AXDND1: variants seen among roughly 807,000 people sequenced by gnomAD.
The protein encoded by AXDND1 is axonemal dynein light chain domain containing 1, also known as axonemal dynein light chain domain-containing protein 1.
Under a neutral mutation model 137.5 loss-of-function variants are expected in AXDND1, and 110 were observed. The ratio of observed to expected loss-of-function variants is 0.80; its 90% CI spans 0.69 to 0.94. The LOEUF is 0.94. AXDND1 is among the 40% of genes least tolerant of loss of function. AXDND1 has a pLI of 0.00. For synonymous variants in AXDND1, 414 were observed against 399.7 expected, an observed-to-expected ratio of 1.04 and a Z score of -0.43; for missense variants, 1,191 against 1,169.8, an observed-to-expected ratio of 1.02 and a Z score of -0.26.
At position 179,445,209 on chromosome 1, in the gene AXDND1, G is replaced by A. The variant is rs757875785; in HGVS notation, c.1798+5G>A. Reference sequence around the variant, plus strand: ...TAAGAATAAATGGGGACAATGGTAAGAAAATACTCATAATAATTAGATTTC... The same window carrying A: ...TAAGAATAAATGGGGACAATGGTAAAAAAATACTCATAATAATTAGATTTC... On this transcript the variant is annotated splice_donor_5th_base_variant and intron_variant, in intron 16 of 25. Coordinates refer to ENST00000367618, the MANE Select transcript of AXDND1 (RefSeq NM_144696.6). 6.8e-6 allele frequency: 10 copies of A among 1,470,452 alleles called. No homozygotes were observed. The highest frequency in any genetic ancestry group is 9.3e-6 in the Non-Finnish European group (10 of 1,079,884). The allele number at this position is 1,470,452 out of a possible 1,614,324, so 91.1% of individuals were successfully genotyped here. A position where few individuals can be genotyped will look rare whatever the true frequency, so the allele number is the denominator to read the frequency against.
intron 11 of AXDND1, among the ~76,000 whole-genome samples, chr1:179,403,740 A>C (rs1652484008): frequency 6.6e-6 from 1 of 152,036 alleles, no homozygotes. Flanking sequence ...CACCCGGCTA[A>C]TTTTTGTATT....
chr1:179,423,688 C>T (rs184987504), intron 12 of AXDND1, among the ~76,000 whole-genome samples: 2 of 148,630 alleles, frequency 1.3e-5, no homozygotes, highest in Non-Finnish European at 3.0e-5. Flanking sequence ...TCTTAGATTA[C>T]AAAAAAAGAA....
At chr1:179,470,762 C>T in intron 17 of AXDND1, among the ~76,000 whole-genome samples, 1 of 152,028 alleles carries the variant, frequency 6.6e-6, no homozygotes, top group East Asian at 1.9e-4. Context: ...CCTTTGATTT[C>T]CTTCTCTTGC....
At chr1:179,443,788 T>A (rs1336356899) in intron 15 of AXDND1, among the ~76,000 whole-genome samples, 1 of 152,186 alleles carries the variant, frequency 6.6e-6, no homozygotes, top group Non-Finnish European at 1.5e-5. Flanking sequence ...CACATTTTGT[T>A]TATACATTAA....
intron 21 of AXDND1, among the ~76,000 whole-genome samples, chr1:179,514,523 A>G (rs891800453): frequency 5.9e-5 from 9 of 152,104 alleles, no homozygotes; most frequent in African/African-American, 2.2e-4. Context: ...GCACTGTTGA[A>G]TAGAATGTGT....
Position 179,385,326 on chromosome 1 carries a change from G to C in AXDND1, c.830G>C (p.Cys277Ser). 1 of 1,614,020 alleles carries C rather than the reference G, an allele frequency of 6.2e-7. No homozygotes were observed. The highest frequency in any genetic ancestry group is 8.5e-7 in the Non-Finnish European group (1 of 1,179,932). ...HELIRQVSVD[C>S]ADRGELLSKV... Reference sequence around the variant, plus strand: ...CTTATTCGACAAGTCAGTGTGGACTGTGCAGACAGAGGAGAACTTCTGTCT... The same window carrying C: ...CTTATTCGACAAGTCAGTGTGGACTCTGCAGACAGAGGAGAACTTCTGTCT... Residue 277 changes from cysteine (C) to serine (S), a missense_variant, in exon 9 of 26, where the codon TGT becomes TCT. Coordinates refer to ENST00000367618, the MANE Select transcript of AXDND1 (RefSeq NM_144696.6).
At chr1:179,536,995 A>G (rs1327612867) in intron 25 of AXDND1, among the ~76,000 whole-genome samples, 1 of 152,184 alleles carries the variant, frequency 6.6e-6, no homozygotes, top group African/African-American at 2.4e-5. Context: ...GAGTTCATTC[A>G]TGATTTGGCT....
intron 18 of AXDND1, among the ~76,000 whole-genome samples, chr1:179,489,741 C>CTTTTTTTT (rs140787885): frequency 2.0e-5 from 2 of 101,292 alleles, no homozygotes; most frequent in African/African-American, 3.8e-5. Flanking sequence ...TACTACTTTT[C>CTTTTTTTT]TTTTTTTTTT....
chr1:179,501,508 G>A (rs999416619), intron 20 of AXDND1, among the ~76,000 whole-genome samples: 2 of 152,036 alleles, frequency 1.3e-5, no homozygotes, highest in South Asian at 2.1e-4. Context: ...TCAGGAGATC[G>A]AGACCATCCT....
At chr1:179,458,517 T>A (rs1285749820) in intron 16 of AXDND1, among the ~76,000 whole-genome samples, 2 of 152,062 alleles carry the variant, frequency 1.3e-5, no homozygotes, top group Admixed American at 6.6e-5. Flanking sequence ...AAATAATAAT[T>A]ATTATTATAG....
At chr1:179,495,645 A>G (rs921917822) in intron 20 of AXDND1, among the ~76,000 whole-genome samples, 1 of 151,910 alleles carries the variant, frequency 6.6e-6, no homozygotes, top group Non-Finnish European at 1.5e-5. Flanking sequence ...TGTTATCTGC[A>G]GATAGGGACA....
chr1:179,553,807 A>G (rs6425575), intron 25 of AXDND1, among the ~76,000 whole-genome samples: 139,028 of 152,138 alleles, frequency 0.91, 63,629 homozygotes, highest in East Asian at 0.98. Context: ...AGTGCAATGC[A>G]CAATCTCGAC....
In AXDND1 at chr1:179,528,287, C is replaced by T. The variant is rs750531061; in HGVS notation, c.2611-40C>T. ...TGCCAGGAAACTTGCTGGGGTGCTA[C>T]ACCAGCTTGCTAACAGGTCCGCATG... On this transcript the variant is annotated intron_variant, in intron 22 of 25. Transcript: ENST00000367618. The T allele has an allele frequency of 1.2e-5, 18 of 1,479,688 alleles. No homozygotes were observed. The East Asian group carries it at 4.1e-4, about 34-fold the overall frequency. The allele number at this position is 1,479,688 out of a possible 1,614,324, so 91.7% of individuals were successfully genotyped here. A position where few individuals can be genotyped will look rare whatever the true frequency, so the allele number is the denominator to read the frequency against.
chr1:179,438,364 C>T lies in AXDND1; in HGVS notation c.1563+6022C>T, dbSNP rs117488367. Among the ~76,000 whole-genome samples the T allele has an allele frequency of 8.6e-3, 1,310 of 152,120 alleles. 40 individuals are homozygous for T. The highest frequency in any genetic ancestry group is 0.055 in the Admixed American group (847 of 15,282). ...GTACTTGTTCCCCTAACCATAGGACCGTGGATTTTAACATTACCACTTCAA... is the reference window on the plus strand; with the variant it reads ...GTACTTGTTCCCCTAACCATAGGACTGTGGATTTTAACATTACCACTTCAA... On this transcript the variant is annotated intron_variant, in intron 15 of 25. Coordinates refer to ENST00000367618, the MANE Select transcript of AXDND1 (RefSeq NM_144696.6).
At chr1:179,373,312 C>G (rs2125054133) in intron 4 of AXDND1, among the ~76,000 whole-genome samples, 1 of 152,214 alleles carries the variant, frequency 6.6e-6, no homozygotes, top group South Asian at 2.1e-4. Context: ...AACCACTGCT[C>G]AACGAAATAA....
At chr1:179,419,195 C>T (rs1030628615) in intron 12 of AXDND1, among the ~76,000 whole-genome samples, 1 of 151,798 alleles carries the variant, frequency 6.6e-6, no homozygotes, top group African/African-American at 2.4e-5. Flanking sequence ...CAGAGAGGCT[C>T]CTCACTTCCC....
chr1:179,523,728 A>G (rs756196219), intron 21 of AXDND1, among the ~76,000 whole-genome samples: 1 of 151,844 alleles, frequency 6.6e-6, no homozygotes, highest in African/African-American at 2.4e-5. Context: ...TTTTTTCCCA[A>G]TAGGTTTTTG....
chr1:179,386,802 G>A (rs565332300), intron 9 of AXDND1, among the ~76,000 whole-genome samples: 1 of 151,934 alleles, frequency 6.6e-6, no homozygotes, highest in Non-Finnish European at 1.5e-5. Flanking sequence ...TTGGCTCATT[G>A]CAGCCTTGAA....
At position 179,534,730 on chromosome 1, in the gene AXDND1, G is replaced by A. The variant is rs764026080; in HGVS notation, c.2799G>A (p.Leu933=). The change falls in exon 25 of 26, where the codon CTG becomes CTA. Residue 933 remains leucine (L), a splice_region_variant and synonymous_variant. Coordinates refer to ENST00000367618, the MANE Select transcript of AXDND1 (RefSeq NM_144696.6). ...AVIEHMQEKL[L]EVENRARQAE... is the part of the protein sequence containing the mutation. ...TGTTGTGTCTTCTCTTCCATATCAG[G>A]GAGGTTGAAAATAGAGCCAGACAGG... 3.8e-6 allele frequency: 6 copies of A among 1,573,070 alleles called. No homozygotes were observed. The East Asian group carries it at 1.1e-4, about 29-fold the overall frequency.
Sources: gnomAD v4.1 joint callset for allele counts (sites outside exome capture counted in the v4.1 genomes callset) on GRCh38, gnomAD v4.1.1 for gene constraint, MANE v1.5 for transcripts, NCBI Gene and HGNC (gene_info 2026-07-23, HGNC 2026-07-21) for gene names.